The following CNTNAP2 variants were observed in gnomAD, a reference collection of about 807,000 sequenced individuals.
CNTNAP2 encodes the protein contactin-associated protein-like 2.
Under a neutral mutation model 155.2 loss-of-function variants are expected in CNTNAP2, and 98 were observed. The ratio of observed to expected loss-of-function variants is 0.63; its 90% confidence interval spans 0.54 to 0.75. The LOEUF is 0.75. Among genes scored for constraint, CNTNAP2 ranks in the 30% least tolerant of loss-of-function variants. The probability of loss-of-function intolerance (pLI) is 0.00; values close to 1 mark genes in which losing one functional copy is unlikely to be tolerated. For missense variants in CNTNAP2, 1,727 were observed against 1,688.1 expected (o/e 1.02, Z -0.40); for synonymous variants, 651 against 631.2 (o/e 1.03, Z -0.47).
chr7:146,369,029 G>GTATA lies in CNTNAP2; in HGVS notation c.97+252075_97+252078dup, dbSNP rs71525943. Among the ~76,000 whole-genome samples the GTATA allele has an allele frequency of 1.8e-3, 241 of 137,346 alleles. 2 individuals are homozygous for GTATA. Among genetic ancestry groups the GTATA allele is most frequent in the South Asian group, 0.014 (58 of 4,180 alleles). The allele number at this position is 137,346 out of a possible 152,430, so 90.1% of individuals were successfully genotyped here. ...ATAAAATTTGGAATAAAAGCATTATGTATATATATATATATATATATACAT... is the reference window on the plus strand; with the variant it reads ...ATAAAATTTGGAATAAAAGCATTATGTATATATATATATATATATATATATACAT... On this transcript the variant is annotated intron_variant, in intron 1 of 23. Coordinates refer to ENST00000361727, the MANE Select transcript of CNTNAP2 (RefSeq NM_014141.6).
intron 1 of CNTNAP2, among the ~76,000 whole-genome samples, chr7:146,381,826 T>G (rs1454562929): frequency 6.6e-6 from 1 of 152,138 alleles, no homozygotes; most frequent in Non-Finnish European, 1.5e-5. Flanking sequence ...ACAATCGTAT[T>G]TTTTTACTGC....
At chr7:146,200,067 T>C (rs972103511) in intron 1 of CNTNAP2, among the ~76,000 whole-genome samples, 1 of 152,178 alleles carries the variant, frequency 6.6e-6, no homozygotes, top group Non-Finnish European at 1.5e-5. Context: ...AGAATCTGTC[T>C]AAAATATTCA....
chr7:148,261,619 C>T (rs903846663), intron 20 of CNTNAP2, among the ~76,000 whole-genome samples: 27 of 152,102 alleles, frequency 1.8e-4, no homozygotes, highest in Non-Finnish European at 3.5e-4. Flanking sequence ...GGAGCTGGTC[C>T]GGAATTGCTG....
intron 11 of CNTNAP2, among the ~76,000 whole-genome samples, chr7:147,486,749 A>G (rs541330849): frequency 2.6e-5 from 4 of 152,340 alleles, no homozygotes; most frequent in South Asian, 2.1e-4. Context: ...TCTTATAATT[A>G]TAATATTAAT....
At chr7:146,527,915 C>T (rs1797714669) in intron 1 of CNTNAP2, among the ~76,000 whole-genome samples, 1 of 152,074 alleles carries the variant, frequency 6.6e-6, no homozygotes, top group African/African-American at 2.4e-5. Flanking sequence ...TTAATCAAAA[C>T]CCTCGTTAGA....
At chr7:146,207,518 A>G (rs1562990103) in intron 1 of CNTNAP2, among the ~76,000 whole-genome samples, 1 of 151,892 alleles carries the variant, frequency 6.6e-6, no homozygotes, top group Non-Finnish European at 1.5e-5. Flanking sequence ...CTAGATTTCC[A>G]TCAGTTTTAG....
intron 14 of CNTNAP2, among the ~76,000 whole-genome samples, chr7:147,924,168 T>G (rs1800340606): frequency 9.5e-6 from 1 of 105,210 alleles, no homozygotes; most frequent in African/African-American, 4.0e-5. Flanking sequence ...AGACAGAGTT[T>G]CACTCTTGTT....
intron 14 of CNTNAP2, among the ~76,000 whole-genome samples, chr7:147,960,766 G>A (rs1309417046): frequency 6.6e-6 from 1 of 151,984 alleles, no homozygotes; most frequent in African/African-American, 2.4e-5. Flanking sequence ...CAAAGATGCT[G>A]TATCTAATTA....
intron 9 of CNTNAP2, among the ~76,000 whole-genome samples, chr7:147,302,375 G>A (rs1344305140): frequency 6.6e-6 from 1 of 152,166 alleles, no homozygotes; most frequent in Non-Finnish European, 1.5e-5. Flanking sequence ...GAGTTTATAG[G>A]ATATGAGGTC....
At position 147,639,162 on chromosome 7, in the gene CNTNAP2, G is replaced by A. The variant is rs144623130; in HGVS notation, c.1954G>A (p.Gly652Ser). Residue 652 changes from glycine to serine, a missense_variant, in exon 13 of 24, where the codon GGC (glycine) becomes AGC (serine). Gly to Ser is a moderately conservative substitution (Grantham distance 56). Transcript: ENST00000361727. Reference protein sequence around the residue: ...HDLQMQTPVVGYNPEKYSVTQ... With the variant: ...HDLQMQTPVVSYNPEKYSVTQ... ...CTTGCAGATGCAGACGCCTGTGGTCGGCTACAACCCAGAAAAATACTCAGT... is the reference window on the plus strand; with the variant it reads ...CTTGCAGATGCAGACGCCTGTGGTCAGCTACAACCCAGAAAAATACTCAGT... The A allele has an allele frequency of 6.6e-5, 106 of 1,613,944 alleles. No homozygotes were observed. The Middle Eastern group carries it at 6.6e-4, about 10-fold the overall frequency.
In CNTNAP2 at chr7:146,160,376, A is replaced by G. The variant is rs541987757; in HGVS notation, c.97+43403A>G. Among the ~76,000 whole-genome samples, 122 of 152,264 alleles carry G rather than the reference A, an allele frequency of 8.0e-4. 1 individual carries two copies. The highest frequency in any genetic ancestry group is 2.9e-3 in the African/African-American group (119 of 41,548). On this transcript the variant is annotated intron_variant, in intron 1 of 23. Coordinates refer to ENST00000361727, the MANE Select transcript of CNTNAP2 (RefSeq NM_014141.6). ...AATGAAGGTGATAGAGACACAAAAA[A>G]CCCTTCAAAAAATCAATGAATCCAG...
intron 8 of CNTNAP2, among the ~76,000 whole-genome samples, chr7:147,241,545 T>C (rs1300661431): frequency 6.6e-6 from 1 of 151,448 alleles, no homozygotes; most frequent in Admixed American, 6.6e-5. Flanking sequence ...GGAGAATCTC[T>C]TGAACCCAGG....
At chr7:147,219,179 T>C (rs983253485) in intron 8 of CNTNAP2, among the ~76,000 whole-genome samples, 1 of 152,170 alleles carries the variant, frequency 6.6e-6, no homozygotes, top group African/African-American at 2.4e-5. Context: ...TCACTCCCTG[T>C]ATTAGTCAGG....
intron 13 of CNTNAP2, among the ~76,000 whole-genome samples, chr7:147,853,581 A>G (rs2116673429): frequency 6.6e-6 from 1 of 152,326 alleles, no homozygotes; most frequent in South Asian, 2.1e-4. Flanking sequence ...TCTGTTTAAA[A>G]GGCACTAATT....
intron 1 of CNTNAP2, among the ~76,000 whole-genome samples, chr7:146,305,048 C>T (rs1800684463): frequency 6.6e-6 from 1 of 152,106 alleles, no homozygotes; most frequent in Non-Finnish European, 1.5e-5. Flanking sequence ...ACCTTTTCTT[C>T]CACTTGATCA....
intron 3 of CNTNAP2, among the ~76,000 whole-genome samples, chr7:146,906,523 C>T (rs1356507466): frequency 3.9e-5 from 6 of 152,056 alleles, no homozygotes; most frequent in Non-Finnish European, 8.8e-5. Context: ...AACTGGGAGG[C>T]ACCCCCCAGC....
At chr7:147,096,052 G>A (rs1800525329) in intron 4 of CNTNAP2, among the ~76,000 whole-genome samples, 2 of 152,130 alleles carry the variant, frequency 1.3e-5, no homozygotes, top group Admixed American at 6.5e-5. Flanking sequence ...CATTAATCAT[G>A]TTGTTTCCTA....
At chr7:146,124,552 C>T (rs140462838) in intron 1 of CNTNAP2, among the ~76,000 whole-genome samples, 183 of 152,104 alleles carry the variant, frequency 1.2e-3, no homozygotes, top group Middle Eastern at 6.8e-3. Context: ...TTATTAAGTA[C>T]GTGTTAAATA....
chr7:146,843,735 C>CA (rs34758050), intron 3 of CNTNAP2, among the ~76,000 whole-genome samples: 5,655 of 151,156 alleles, frequency 0.037, 351 homozygotes, highest in African/African-American at 0.13. Context: ...TTACAAATTT[C>CA]AAAAAAAAGT....
Sources: allele counts gnomAD v4.1 joint callset (sites outside exome capture counted in the v4.1 genomes callset), GRCh38; gene constraint gnomAD v4.1.1; transcripts MANE v1.5; gene names NCBI Gene and HGNC (gene_info 2026-07-23, HGNC 2026-07-21).